The following CREBBP variants were observed in gnomAD, a reference collection of about 807,000 sequenced individuals.
CREBBP encodes CREB-binding protein.
CREBBP carries 19 observed loss-of-function variants against 265.0 expected under a neutral mutation model. That is an observed-to-expected ratio of 0.07 (90% CI 0.05 to 0.11). The LOEUF is 0.11. Ranked by LOEUF, CREBBP falls within the 10% of genes least tolerant of loss-of-function variation. The probability of loss-of-function intolerance (pLI) is 1.00; values close to 1 mark genes in which losing one functional copy is unlikely to be tolerated. For synonymous variants in CREBBP, 1,457 were observed against 1,223.7 expected, an observed-to-expected ratio of 1.19 and a Z score of -3.98; for missense variants, 2,525 against 3,219.0, an observed-to-expected ratio of 0.78 and a Z score of 5.22.
chr16:3,876,955 C>T (rs953552341), intron 1 of CREBBP, among the ~76,000 whole-genome samples: 1 of 152,162 alleles, frequency 6.6e-6, no homozygotes, highest in African/African-American at 2.4e-5. Context: ...TCCCCAATGT[C>T]GGGTGCATTT....
chr16:3,794,059 G>A (rs1473850111), intron 3 of CREBBP, among the ~76,000 whole-genome samples: 1 of 152,078 alleles, frequency 6.6e-6, no homozygotes, highest in Non-Finnish European at 1.5e-5. Context: ...CGAGCGCGTT[G>A]GCTCACGCCT....
chr16:3,789,901 T>C lies in CREBBP; in HGVS notation c.1330+2080A>G, dbSNP rs371469966. 1.2e-4 allele frequency among the ~76,000 whole-genome samples: 18 copies of C among 151,550 alleles called. No homozygotes were observed. The East Asian group carries it at 3.1e-3, about 26-fold the overall frequency. On this transcript the variant is annotated intron_variant, in intron 5 of 30. Transcript: ENST00000262367. Reference sequence around the variant, plus strand: ...GATGGTTTAAAAAAAAAAAACCACATACGCTTCTTTTTTCTTTTAAAACAA... The same window carrying C: ...GATGGTTTAAAAAAAAAAAACCACACACGCTTCTTTTTTCTTTTAAAACAA...
At chr16:3,855,229 AG>A in intron 1 of CREBBP, among the ~76,000 whole-genome samples, 1 of 152,200 alleles carries the variant, frequency 6.6e-6, no homozygotes, top group Non-Finnish European at 1.5e-5. Flanking sequence ...AAAGGATCAA[AG>A]GTTCCCTGGC....
At position 3,726,248 on chromosome 16, in the gene CREBBP, G is replaced by C. The variant is rs1039628447; in HGVS notation, c.*1470C>G. ...TTCTGGGAGTCGTGTACGGGGGGGGGGAGCCGCCTGAACACGGGAAGAAGC... is the reference window on the plus strand; with the variant it reads ...TTCTGGGAGTCGTGTACGGGGGGGGCGAGCCGCCTGAACACGGGAAGAAGC... On this transcript the variant is annotated 3_prime_UTR_variant, in exon 31 of 31. Transcript: ENST00000262367. 1.2e-4 allele frequency: 27 copies of C among 232,286 alleles called. 1 individual carries two copies. The highest frequency in any genetic ancestry group is 2.0e-4 in the Non-Finnish European group (24 of 117,564). The allele number at this position is 232,286 out of a possible 1,614,324, so 14.4% of individuals were successfully genotyped here. A position where few individuals can be genotyped will look rare whatever the true frequency, so the allele number is the denominator to read the frequency against.
In CREBBP at chr16:3,738,550, C is replaced by G. The variant is rs765416605; in HGVS notation, c.4394+9G>C. On this transcript the variant is annotated intron_variant, in intron 26 of 30. Coordinates refer to ENST00000262367, the MANE Select transcript of CREBBP (RefSeq NM_004380.3). The stretch of plus-strand genomic sequence containing the variant: ...CTTACTAGTTCCAAATAATTTAATC[C>G]AAACTCACCCTAATTTCTTCACATA... 40 of 1,543,202 alleles carry G rather than the reference C, an allele frequency of 2.6e-5. No individual in the cohort carries two copies. Among genetic ancestry groups the G allele is most frequent in the Admixed American group, 5.0e-5 (3 of 59,834 alleles).
intron 1 of CREBBP, among the ~76,000 whole-genome samples, chr16:3,866,577 A>C (rs957945124): frequency 1.3e-5 from 2 of 152,224 alleles, no homozygotes; most frequent in African/African-American, 4.8e-5. Flanking sequence ...ATATACCCCC[A>C]AAATGTTTTG....
rs1054374740 is a variant in CREBBP, at chr16:3,782,847, T to G, written c.1410A>C (p.Leu470Phe). 2.5e-6 allele frequency: 4 copies of G among 1,614,174 alleles called. No homozygotes were observed. Among genetic ancestry groups the G allele is most frequent in the Non-Finnish European group, 3.4e-6 (4 of 1,180,036 alleles). Residue 470 changes from leucine (L) to phenylalanine (F), a missense_variant, in exon 6 of 31, where the codon TTA becomes TTC. Around this residue, in one of 19 missense-constraint regions of CREBBP, gnomAD observed 48 missense variants for 70.2 expected, o/e 0.68. Transcript: ENST00000262367. ...TGGGGTCTATGGGATTTGGGTTACT[T>G]AAAGAAGTGGCATTCTGTTGCCCTG... ...VGTGQQNATS[L>F]SNPNPIDPSS... is the part of the protein sequence containing the mutation.
At chr16:3,745,589 A>T (rs2052323521) in intron 21 of CREBBP, 1 of 554,696 alleles carries the variant, frequency 1.8e-6, no homozygotes, top group Non-Finnish European at 3.2e-6. Context: ...CTTTTCTCCC[A>T]ATCTCCCTTT....
At chr16:3,845,070 T>C (rs951628247) in intron 2 of CREBBP, among the ~76,000 whole-genome samples, 11 of 152,218 alleles carry the variant, frequency 7.2e-5, no homozygotes, top group African/African-American at 2.2e-4. Flanking sequence ...AAAGATTTTT[T>C]GTTTTTAAAA....
chr16:3,740,792 T>C (rs956385411), intron 23 of CREBBP: 43 of 562,866 alleles, frequency 7.6e-5, no homozygotes, highest in Non-Finnish European at 6.4e-6. Context: ...ACCTGCATCT[T>C]TTTCTAACAG....
intron 6 of CREBBP, among the ~76,000 whole-genome samples, chr16:3,782,151 G>C (rs1393115335): frequency 6.6e-6 from 1 of 152,204 alleles, no homozygotes; most frequent in Non-Finnish European, 1.5e-5. Context: ...CGATGTGTGA[G>C]CAAACGATCA....
intron 2 of CREBBP, among the ~76,000 whole-genome samples, chr16:3,816,050 A>G (rs747233010): frequency 6.6e-6 from 1 of 152,184 alleles, no homozygotes; most frequent in Non-Finnish European, 1.5e-5. Context: ...CAGCCCATAC[A>G]TATTAGAAGT....
chr16:3,867,826 G>A (rs1158803284), intron 1 of CREBBP, among the ~76,000 whole-genome samples: 3 of 151,864 alleles, frequency 2.0e-5, no homozygotes, highest in Non-Finnish European at 4.4e-5. Context: ...CTACTTGGGA[G>A]GCTGAGGTGG....
intron 3 of CREBBP, among the ~76,000 whole-genome samples, chr16:3,797,750 T>G (rs951330954): frequency 2.6e-5 from 4 of 152,054 alleles, no homozygotes; most frequent in Non-Finnish European, 5.9e-5. Context: ...GTGAGGCATC[T>G]TTGATCCTTA....
At chr16:3,790,048 T>C (rs1274108942) in intron 5 of CREBBP, among the ~76,000 whole-genome samples, 1 of 152,208 alleles carries the variant, frequency 6.6e-6, no homozygotes, top group Non-Finnish European at 1.5e-5. Context: ...AAGAATAAAA[T>C]TCTAGCTCAT....
chr16:3,850,490 G>A lies in CREBBP; in HGVS notation c.605C>T (p.Ser202Leu), dbSNP rs1298871021. 10 of 1,614,152 alleles carry A rather than the reference G, an allele frequency of 6.2e-6. No individual in the cohort carries two copies. Among genetic ancestry groups the A allele is most frequent in the Non-Finnish European group, 8.5e-7 (1 of 1,180,050 alleles). ...NSGHSLINQASQGQAQVMNGS... is the reference protein window; with the variant it reads ...NSGHSLINQALQGQAQVMNGS... Reference sequence around the variant, plus strand: ...ATTCATGACTTGCGCCTGCCCTTGTGAAGCCTGATTAATTAAGCTATGGCC... The same window carrying A: ...ATTCATGACTTGCGCCTGCCCTTGTAAAGCCTGATTAATTAAGCTATGGCC... The change falls in exon 2 of 31, where the codon TCA becomes TTA. Residue 202 changes from serine to leucine, a missense_variant. By Grantham distance (145) the Ser-to-Leu change is moderately radical. This residue lies in a region of CREBBP where 356 missense variants were observed against 340.4 expected (regional missense o/e 1.05). Transcript: ENST00000262367.
In CREBBP at chr16:3,832,153, C is replaced by T. The variant is rs543963137; in HGVS notation, c.798+18144G>A. ...AGCAGAAAATTTGAATAGCTAATACCTATTAGCTATTCAAATTTAAAGTAA... is the reference window on the plus strand; with the variant it reads ...AGCAGAAAATTTGAATAGCTAATACTTATTAGCTATTCAAATTTAAAGTAA... On this transcript the variant is annotated intron_variant, in intron 2 of 30. Coordinates refer to ENST00000262367, the MANE Select transcript of CREBBP (RefSeq NM_004380.3). Among the ~76,000 whole-genome samples the T allele has an allele frequency of 7.9e-5, 12 of 152,048 alleles. No individual in the cohort carries two copies. The South Asian group carries it at 2.1e-3, about 26-fold the overall frequency.
At chr16:3,848,476 A>T (rs1339998324) in intron 2 of CREBBP, among the ~76,000 whole-genome samples, 2 of 152,126 alleles carry the variant, frequency 1.3e-5, no homozygotes, top group Non-Finnish European at 2.9e-5. Context: ...TTACTTTGTG[A>T]TGTGTGATTC....
intron 19 of CREBBP, among the ~76,000 whole-genome samples, chr16:3,755,792 T>G (rs1462756281): frequency 6.6e-6 from 1 of 152,126 alleles, no homozygotes; most frequent in Non-Finnish European, 1.5e-5. Context: ...AATGTTAAAC[T>G]ATTTTCAGCA....
Sources: allele counts gnomAD v4.1 joint callset (sites outside exome capture counted in the v4.1 genomes callset), GRCh38; gene constraint gnomAD v4.1.1; regional missense constraint gnomAD v4.1.1; transcripts MANE v1.5; gene names NCBI Gene and HGNC (gene_info 2026-07-23, HGNC 2026-07-21).